UNC80: variants seen among roughly 807,000 people sequenced by gnomAD.
UNC80 encodes protein unc-80 homolog.
A neutral mutation model predicts 384.6 loss-of-function variants in UNC80; 164 were observed. The ratio of observed to expected loss-of-function variants is 0.43; its 90% confidence interval spans 0.38 to 0.49. UNC80 has a LOEUF of 0.49. UNC80 is among the 20% of genes least tolerant of loss of function. The probability of loss-of-function intolerance (pLI) is 0.00; values close to 1 mark genes in which losing one functional copy is unlikely to be tolerated. For synonymous variants in UNC80, 1,486 were observed against 1,527.8 expected (o/e 0.97, Z 0.64); for missense variants, 3,330 against 4,143.0 (o/e 0.80, Z 5.39).
intron 7 of UNC80, among the ~76,000 whole-genome samples, chr2:209,812,171 T>G (rs538891589): frequency 5.3e-5 from 8 of 151,586 alleles, no homozygotes; most frequent in African/African-American, 1.9e-4. Context: ...TGCCTCAGCC[T>G]CCGGAGTAGC....
intron 5 of UNC80, among the ~76,000 whole-genome samples, chr2:209,787,979 C>G (rs570804922): frequency 6.6e-6 from 1 of 152,156 alleles, no homozygotes; most frequent in Non-Finnish European, 1.5e-5. Flanking sequence ...TCCTTTGGGA[C>G]AAGACATGAA....
rs2089224147 is a variant in UNC80, at chr2:209,913,784, AT to A, written c.4891-15del. 3 of 1,537,304 alleles carry A rather than the reference AT, an allele frequency of 2.0e-6. No homozygotes were observed. The East Asian group carries it at 7.4e-5, about 38-fold the overall frequency. On this transcript the variant is annotated splice_polypyrimidine_tract_variant and intron_variant, in intron 30 of 64. Coordinates refer to ENST00000673920, the MANE Select transcript of UNC80 (RefSeq NM_001371986.1). The stretch of plus-strand genomic sequence containing the variant: ...CTGTCTTAAAAGATTTTAAAACATG[AT>A]TTCCATCTTTTCCCAGGTGATGAGC...
chr2:209,828,554 T>C (rs1427016245), intron 14 of UNC80, among the ~76,000 whole-genome samples: 1 of 152,094 alleles, frequency 6.6e-6, no homozygotes, highest in Non-Finnish European at 1.5e-5. Context: ...TGGGCCTTGA[T>C]TTGTCAAAAT....
At chr2:209,879,595 T>A (rs2085095825) in intron 24 of UNC80, among the ~76,000 whole-genome samples, 1 of 152,232 alleles carries the variant, frequency 6.6e-6, no homozygotes, top group African/African-American at 2.4e-5. Flanking sequence ...CAAAAGTCTA[T>A]ACTGAATGTC....
intron 22 of UNC80, among the ~76,000 whole-genome samples, chr2:209,858,923 G>A (rs2083147961): frequency 1.3e-5 from 2 of 151,628 alleles, no homozygotes; most frequent in Admixed American, 6.6e-5. Flanking sequence ...TTGTGTTAGG[G>A]TTTATTTCTC....
At chr2:209,788,435 T>C (rs931539810) in intron 5 of UNC80, among the ~76,000 whole-genome samples, 1 of 149,696 alleles carries the variant, frequency 6.7e-6, no homozygotes, top group African/African-American at 2.4e-5. Flanking sequence ...AAAAAAGTTT[T>C]AAAAAAAAGT....
intron 28 of UNC80, among the ~76,000 whole-genome samples, chr2:209,902,904 CGTGTGTGTGTGTGT>C (rs56102642): frequency 2.8e-4 from 40 of 141,316 alleles, no homozygotes; most frequent in Non-Finnish European, 5.1e-4. Context: ...CCTGTATACA[CGTGTGTGTGTGTGT>C]GTGTGTGTGT....
intron 7 of UNC80, among the ~76,000 whole-genome samples, chr2:209,803,441 G>A (rs2078684664): frequency 6.6e-6 from 1 of 152,152 alleles, no homozygotes; most frequent in Admixed American, 6.5e-5. Context: ...AGTTACTTAG[G>A]ACACAGACTA....
At chr2:209,877,473 A>C (rs1310761520) in intron 23 of UNC80, among the ~76,000 whole-genome samples, 1 of 152,178 alleles carries the variant, frequency 6.6e-6, no homozygotes, top group Non-Finnish European at 1.5e-5. Context: ...ATATATAATG[A>C]CAGATAGAAA....
At chr2:209,773,070 C>T in intron 1 of UNC80, 24 bp from the exon 2 acceptor site, 2 of 1,584,032 alleles carry the variant, frequency 1.3e-6, no homozygotes, top group Non-Finnish European at 1.7e-6. Context: ...TGTTTATTAA[C>T]AAATATCTCT....
intron 4 of UNC80, among the ~76,000 whole-genome samples, chr2:209,780,914 C>T (rs1271161959): frequency 6.6e-6 from 1 of 152,188 alleles, no homozygotes; most frequent in Non-Finnish European, 1.5e-5. Context: ...TTTTCTATCC[C>T]TACCCAGAAA....
intron 22 of UNC80, among the ~76,000 whole-genome samples, chr2:209,864,426 T>C (rs1038443550): frequency 6.6e-6 from 1 of 152,108 alleles, no homozygotes; most frequent in African/African-American, 2.4e-5. Flanking sequence ...GCTGCCCGGA[T>C]TCCTCAGAGC....
chr2:209,829,127 GA>G, intron 14 of UNC80, 104 bp from the exon 15 acceptor site: 1 of 1,369,632 alleles, frequency 7.3e-7, no homozygotes, highest in Admixed American at 2.3e-5. Flanking sequence ...AGCGAGTGGG[GA>G]TGGTTGGAAA....
rs147050413 is a variant in UNC80 at position 209,900,770 on chromosome 2, A to G, written c.4582-3995A>G. Among the ~76,000 whole-genome samples the G allele has an allele frequency of 2.1e-3, 326 of 152,380 alleles. 1 individual carries two copies. Among genetic ancestry groups the G allele is most frequent in the Admixed American group, 3.1e-3 (47 of 15,306 alleles). On this transcript the variant is annotated intron_variant, in intron 28 of 64. Transcript: ENST00000673920. ...AAGGAAAAGTTCTTGAAGGAAATCA[A>G]AAGTGCTACTCCAGTGAACACACAA...
chr2:209,902,126 C>G (rs539171649), intron 28 of UNC80, among the ~76,000 whole-genome samples: 21 of 152,024 alleles, frequency 1.4e-4, no homozygotes, highest in African/African-American at 4.8e-4. Flanking sequence ...GTAGTTGATG[C>G]CAACCCTAAT....
intron 21 of UNC80, among the ~76,000 whole-genome samples, chr2:209,844,829 C>T (rs2082063348): frequency 1.3e-5 from 2 of 151,556 alleles, no homozygotes; most frequent in African/African-American, 2.4e-5. Flanking sequence ...TCTTGAACTC[C>T]TGGCCTCAAG....
At position 209,855,907 on chromosome 2, in the gene UNC80, AT is replaced by A. The variant is rs1335957708; in HGVS notation, c.3627+6291del. Among the ~76,000 whole-genome samples the A allele has an allele frequency of 9.5e-4, 144 of 152,094 alleles. 1 individual carries two copies. The highest frequency in any genetic ancestry group is 3.1e-4 in the Non-Finnish European group (21 of 67,954). Reference sequence around the variant, plus strand: ...CACTCTATGTTAGGTGAACATTTTAATTTTTTTCAAAATTCTGGCTAATTTT... The same window carrying A: ...CACTCTATGTTAGGTGAACATTTTAATTTTTTCAAAATTCTGGCTAATTTT... On this transcript the variant is annotated intron_variant, in intron 22 of 64. Coordinates refer to ENST00000673920, the MANE Select transcript of UNC80 (RefSeq NM_001371986.1).
At position 209,820,644 on chromosome 2, in the gene UNC80, G is replaced by T; in HGVS notation, c.2296G>T (p.Gly766Cys). ...AGGAGGAGGTGGAGGAGGTGGAGGCGGCCCTTATGAGAAGAATGATAAGAA... is the reference window on the plus strand; with the variant it reads ...AGGAGGAGGTGGAGGAGGTGGAGGCTGCCCTTATGAGAAGAATGATAAGAA... The part of the protein sequence containing the change: ...DGGGGGGGGG[G>C]PYEKNDKNQE... The change falls in exon 13 of 65, where the codon GGC (glycine) becomes TGC (cysteine). Residue 766 changes from glycine to cysteine, a missense_variant. Coordinates refer to ENST00000673920, the MANE Select transcript of UNC80 (RefSeq NM_001371986.1). The T allele has an allele frequency of 1.3e-6, 2 of 1,547,060 alleles. No individual in the cohort carries two copies. Among genetic ancestry groups the T allele is most frequent in the Non-Finnish European group, 8.7e-7 (1 of 1,145,072 alleles).
intron 22 of UNC80, among the ~76,000 whole-genome samples, chr2:209,867,422 G>C (rs927386190): frequency 6.6e-6 from 1 of 151,796 alleles, no homozygotes; most frequent in Non-Finnish European, 1.5e-5. Context: ...GGGGCTGGGG[G>C]GCATGGAATT....
Sources: allele counts gnomAD v4.1 joint callset (sites outside exome capture counted in the v4.1 genomes callset), GRCh38; gene constraint gnomAD v4.1.1; transcripts MANE v1.5; gene names NCBI Gene and HGNC (gene_info 2026-07-23, HGNC 2026-07-21).